The following MEGF9 variants were observed in gnomAD, a reference collection of about 807,000 sequenced individuals.
MEGF9 encodes the protein multiple epidermal growth factor-like domains protein 9.
In MEGF9, 6 loss-of-function variants were observed where a neutral mutation model predicts 46.8. The observed-to-expected ratio is 0.13, with a 90% confidence interval of 0.07 to 0.25. MEGF9 has a LOEUF of 0.25. Ranked by LOEUF, MEGF9 falls within the 10% of genes least tolerant of loss-of-function variation. The pLI, the probability that MEGF9 is intolerant of heterozygous loss-of-function variation, is 1.00. For synonymous variants in MEGF9, 302 were observed against 330.7 expected, an observed-to-expected ratio of 0.91 and a Z score of 0.94; for missense variants, 683 against 792.4, an observed-to-expected ratio of 0.86 and a Z score of 1.66.
intron 1 of MEGF9, among the ~76,000 whole-genome samples, chr9:120,675,452 G>C (rs988079358): frequency 6.6e-6 from 1 of 151,978 alleles, no homozygotes; most frequent in Non-Finnish European, 1.5e-5. Context: ...AATTACTCCA[G>C]CATGGTGGCT....
chr9:120,659,065 G>T (rs1377453629), intron 2 of MEGF9, among the ~76,000 whole-genome samples: 1 of 152,132 alleles, frequency 6.6e-6, no homozygotes, highest in Non-Finnish European at 1.5e-5. Flanking sequence ...CAGGTTTCAT[G>T]CCTGAAAGCC....
At chr9:120,655,112 C>G (rs73552132) in intron 2 of MEGF9, among the ~76,000 whole-genome samples, 2,409 of 151,632 alleles carry the variant, frequency 0.016, 62 homozygotes, top group African/African-American at 0.056. Flanking sequence ...TTTAGTGTAG[C>G]CTAAGTGTGC....
intron 2 of MEGF9, among the ~76,000 whole-genome samples, chr9:120,636,473 A>T (rs956780236): frequency 3.3e-5 from 5 of 152,218 alleles, no homozygotes; most frequent in Admixed American, 1.3e-4. Flanking sequence ...AATACTCAAA[A>T]AGAGTACTGC....
At chr9:120,672,488 G>A (rs1402878215) in intron 1 of MEGF9, among the ~76,000 whole-genome samples, 1 of 150,216 alleles carries the variant, frequency 6.7e-6, no homozygotes, top group African/African-American at 2.5e-5. Context: ...AGGAATGGTG[G>A]CACATGCCTG....
intron 1 of MEGF9, among the ~76,000 whole-genome samples, chr9:120,687,330 C>T (rs532217474): frequency 5.4e-4 from 82 of 152,058 alleles, no homozygotes; most frequent in Non-Finnish European, 6.9e-4. Flanking sequence ...TGAATCAGGA[C>T]CTGAATCAGA....
At chr9:120,652,499 AAAAAC>A (rs1253280165) in intron 2 of MEGF9, among the ~76,000 whole-genome samples, 13 of 148,484 alleles carry the variant, frequency 8.8e-5, no homozygotes, top group African/African-American at 3.1e-4. Flanking sequence ...AAAAAAAAAA[AAAAAC>A]AGAAACAAAA....
intron 1 of MEGF9, among the ~76,000 whole-genome samples, chr9:120,683,420 A>C (rs1182672184): frequency 6.6e-6 from 1 of 152,164 alleles, no homozygotes. Flanking sequence ...AGGTGATTGG[A>C]TCACAGGGGC....
At chr9:120,713,614 G>T in intron 1 of MEGF9, 144 bp downstream of exon 1, 1 of 1,149,732 alleles carries the variant, frequency 8.7e-7, no homozygotes, top group Non-Finnish European at 1.1e-6. Flanking sequence ...AGGGAGACTA[G>T]CTGGACCTGG....
Position 120,714,335 on chromosome 9 carries a change from G to A in MEGF9, c.24C>T (p.Ala8=), listed in dbSNP as rs1296454900. 1 of 1,339,564 alleles carries A rather than the reference G, an allele frequency of 7.5e-7. No homozygotes were observed. 83.0% of individuals were successfully genotyped at this position (1,339,564 alleles called of 1,614,324 possible). MNGGAER[A]MRSLPSLGGL... ...CGCCCAGGCTCGGCAGGCTCCTCAT[G>A]GCGCGCTCGGCTCCGCCATTCATTC... is the stretch of plus-strand genomic sequence containing the variant. Residue 8 remains alanine, a synonymous_variant, in exon 1 of 6, where the codon GCC becomes GCT. Transcript: ENST00000373930.
At chr9:120,691,819 C>CTTG (rs1337300171) in intron 1 of MEGF9, among the ~76,000 whole-genome samples, 2 of 151,998 alleles carry the variant, frequency 1.3e-5, no homozygotes, top group African/African-American at 4.8e-5. Context: ...TGAACATTAC[C>CTTG]GGTTTGGGTA....
intron 1 of MEGF9, among the ~76,000 whole-genome samples, chr9:120,708,702 G>T (rs950728569): frequency 6.6e-6 from 1 of 152,090 alleles, no homozygotes; most frequent in Non-Finnish European, 1.5e-5. Context: ...TAACTTGTCC[G>T]TAGACTCTGT....
intron 1 of MEGF9, among the ~76,000 whole-genome samples, chr9:120,683,394 G>T (rs1286574446): frequency 6.6e-6 from 1 of 152,166 alleles, no homozygotes; most frequent in African/African-American, 2.4e-5. Context: ...ATGTGTTGAG[G>T]GAGGGACCAG....
At chr9:120,685,838 TAAAG>T (rs1238894846) in intron 1 of MEGF9, among the ~76,000 whole-genome samples, 4 of 152,140 alleles carry the variant, frequency 2.6e-5, no homozygotes, top group Non-Finnish European at 5.9e-5. Flanking sequence ...TATTGATGGA[TAAAG>T]AAAGAAAATG....
chr9:120,607,358 TG>T, intron 5 of MEGF9, among the ~76,000 whole-genome samples: 1 of 152,230 alleles, frequency 6.6e-6, no homozygotes, highest in East Asian at 1.9e-4. Flanking sequence ...GCTTCTCAGC[TG>T]GAACTTCTAA....
intron 1 of MEGF9, among the ~76,000 whole-genome samples, chr9:120,676,945 G>A (rs2043775747): frequency 6.6e-6 from 1 of 152,116 alleles, no homozygotes; most frequent in African/African-American, 2.4e-5. Context: ...GAGTTAGCGG[G>A]TAAGTGGTTG....
intron 3 of MEGF9, among the ~76,000 whole-genome samples, chr9:120,614,143 C>G (rs114146654): frequency 0.018 from 2,710 of 152,182 alleles, 73 homozygotes; most frequent in African/African-American, 0.061. Flanking sequence ...CCTGCCTCAG[C>G]TTCCCAAGTA....
chr9:120,646,550 CA>C (rs2043627174), intron 2 of MEGF9, among the ~76,000 whole-genome samples: 1 of 152,192 alleles, frequency 6.6e-6, no homozygotes, highest in African/African-American at 2.4e-5. Context: ...AAGCTGGGAT[CA>C]AAAGCTACCT....
chr9:120,609,138 G>A (rs1335772649), intron 4 of MEGF9, among the ~76,000 whole-genome samples: 1 of 152,090 alleles, frequency 6.6e-6, no homozygotes, highest in African/African-American at 2.4e-5. Flanking sequence ...TCTGACCTCT[G>A]CCTACTTCTC....
chr9:120,624,350 CTCAAGTAGCTGGGACTACA>C (rs2043514187), intron 2 of MEGF9, among the ~76,000 whole-genome samples: 1 of 152,122 alleles, frequency 6.6e-6, no homozygotes. Context: ...GCCTCAGCCC[CTCAAGTAGCTGGGACTACA>C]GGTATGCGCC....
Sources: allele counts gnomAD v4.1 joint callset (sites outside exome capture counted in the v4.1 genomes callset), GRCh38; gene constraint gnomAD v4.1.1; transcripts MANE v1.5; gene names NCBI Gene and HGNC (gene_info 2026-07-23, HGNC 2026-07-21).